NDUFAF4: variants seen among roughly 807,000 people sequenced by gnomAD.
The protein encoded by NDUFAF4 is NADH dehydrogenase [ubiquinone] 1 alpha subcomplex assembly factor 4.
A neutral mutation model predicts 15.6 loss-of-function variants in NDUFAF4; 10 were observed. That is an observed-to-expected ratio of 0.64 (90% CI 0.40 to 1.09). The LOEUF (loss-of-function observed/expected upper bound fraction) is 1.09. Among genes scored for constraint, NDUFAF4 ranks in the 50% least tolerant of loss-of-function variants. The pLI is 0.01. For synonymous variants in NDUFAF4, 77 were observed against 73.3 expected, an observed-to-expected ratio of 1.05 and a Z score of -0.26; for missense variants, 203 against 207.3, an observed-to-expected ratio of 0.98 and a Z score of 0.13.
chr6:96,891,433 T>G (rs369908244), intron 2 of NDUFAF4, 42 bp from the exon 3 acceptor site: 1 of 1,545,708 alleles, frequency 6.5e-7, no homozygotes, highest in Non-Finnish European at 8.9e-7. Flanking sequence ...GAGAAAAGAT[T>G]TGACATCTAC....
Position 96,897,643 on chromosome 6 carries a change from C to G in NDUFAF4, c.136+23G>C, listed in dbSNP as rs1354644887. 6 of 1,612,828 alleles carry G rather than the reference C, an allele frequency of 3.7e-6. No individual in the cohort carries two copies. The South Asian group carries it at 6.6e-5, about 18-fold the overall frequency. ...ACAGGGACTCCGCGCCCCCGGGCCCCGAAACGCCCTCGCACCACTCACGAC... is the reference window on the plus strand; with the variant it reads ...ACAGGGACTCCGCGCCCCCGGGCCCGGAAACGCCCTCGCACCACTCACGAC... On this transcript the variant is annotated intron_variant, in intron 1 of 2. Coordinates refer to ENST00000316149, the MANE Select transcript of NDUFAF4 (RefSeq NM_014165.4).
In NDUFAF4 at chr6:96,891,410, G is replaced by T. The variant is rs770355483; in HGVS notation, c.241-19C>A. 15 of 1,254,476 alleles carry T rather than the reference G, an allele frequency of 1.2e-5. No homozygotes were observed. In the African/African-American group the frequency reaches 2.3e-4, roughly 19 times the overall value. The allele number at this position is 1,254,476 out of a possible 1,614,324, so 77.7% of individuals were successfully genotyped here. A position where few individuals can be genotyped will look rare whatever the true frequency, so the allele number is the denominator to read the frequency against. Reference sequence around the variant, plus strand: ...CTTTTACCTAGTATCAAAAAAAAAAGGTTTTAGGATGAGAGAAAAGATTTG... The same window carrying T: ...CTTTTACCTAGTATCAAAAAAAAAATGTTTTAGGATGAGAGAAAAGATTTG... On this transcript the variant is annotated intron_variant, in intron 2 of 2. Coordinates refer to ENST00000316149, the MANE Select transcript of NDUFAF4 (RefSeq NM_014165.4).
intron 2 of NDUFAF4, among the ~76,000 whole-genome samples, chr6:96,894,049 T>A (rs1258559104): frequency 6.6e-6 from 1 of 152,170 alleles, no homozygotes; most frequent in African/African-American, 2.4e-5. Context: ...TAAAAACCAC[T>A]CACTTTCTGA....
chr6:96,894,534 T>C (rs1775348911), intron 2 of NDUFAF4, among the ~76,000 whole-genome samples: 1 of 152,200 alleles, frequency 6.6e-6, no homozygotes, highest in African/African-American at 2.4e-5. Flanking sequence ...GAAATTGTTG[T>C]AACTGTTCCA....
At chr6:96,891,564 T>C (rs1195828047) in intron 2 of NDUFAF4, among the ~76,000 whole-genome samples, 173 bp from the exon 3 acceptor site, 3 of 152,154 alleles carry the variant, frequency 2.0e-5, no homozygotes, top group Admixed American at 6.5e-5. Flanking sequence ...ACGTAGGGCA[T>C]GGTGGAAAGT....
intron 1 of NDUFAF4, 109 bp downstream of exon 1, chr6:96,897,543 CCCGAGCGGCTGCGG>C (rs752294267): frequency 4.4e-5 from 63 of 1,432,112 alleles, no homozygotes; most frequent in Non-Finnish European, 6.0e-5. Flanking sequence ...GCTCCGCCAA[CCCGAGCGGCTGCGG>C]CCGAGCAGGC....
intron 2 of NDUFAF4, among the ~76,000 whole-genome samples, chr6:96,895,587 AT>A (rs557579764): frequency 1.5e-4 from 23 of 151,514 alleles, no homozygotes; most frequent in Non-Finnish European, 2.8e-4. Context: ...CAAAGCATTA[AT>A]TTTTTTTTGC....
At chr6:96,897,071 C>A (rs937902608) in intron 1 of NDUFAF4, among the ~76,000 whole-genome samples, 1 of 152,008 alleles carries the variant, frequency 6.6e-6, no homozygotes, top group African/African-American at 2.4e-5. Flanking sequence ...AGGCTACAGG[C>A]GCGCCACCAC....
At chr6:96,896,308 TA>T (rs1453568268) in intron 2 of NDUFAF4, among the ~76,000 whole-genome samples, 1 of 152,078 alleles carries the variant, frequency 6.6e-6, no homozygotes, top group Non-Finnish European at 1.5e-5. Context: ...AATACATCCT[TA>T]AAAAAACAAA....
intron 2 of NDUFAF4, among the ~76,000 whole-genome samples, chr6:96,895,800 T>C (rs1444537964): frequency 4.6e-5 from 7 of 152,280 alleles, no homozygotes; most frequent in Middle Eastern, 3.4e-3. Flanking sequence ...TTCTCCTCTG[T>C]AGTGAAAATT....
chr6:96,896,646 T>C, intron 2 of NDUFAF4, 98 bp downstream of exon 2: 2 of 991,890 alleles, frequency 2.0e-6, no homozygotes, highest in South Asian at 1.3e-5. Flanking sequence ...CAACACACAC[T>C]TGCAGAGCAC....
Position 96,891,025 on chromosome 6 carries a change from A to G in NDUFAF4, c.*79T>C, listed in dbSNP as rs1775308013. The G allele has an allele frequency of 7.6e-7, 1 of 1,316,906 alleles. No homozygotes were observed. 81.6% of individuals were successfully genotyped at this position (1,316,906 alleles called of 1,614,324 possible). Reference sequence around the variant, plus strand: ...GAGCATTAAATATTTGGTAATTAACATAATTTATTACGCAAAAAATGAGAA... The same window carrying G: ...GAGCATTAAATATTTGGTAATTAACGTAATTTATTACGCAAAAAATGAGAA... On this transcript the variant is annotated 3_prime_UTR_variant, in exon 3 of 3. Transcript: ENST00000316149.
At chr6:96,895,412 C>T (rs1775359804) in intron 2 of NDUFAF4, among the ~76,000 whole-genome samples, 1 of 151,986 alleles carries the variant, frequency 6.6e-6, no homozygotes, top group Admixed American at 6.6e-5. Flanking sequence ...CCATGAACTG[C>T]CCGAAGGAAA....
At chr6:96,897,564 A>T in intron 1 of NDUFAF4, 102 bp downstream of exon 1, 1 of 1,512,016 alleles carries the variant, frequency 6.6e-7, no homozygotes, top group Non-Finnish European at 9.0e-7. Context: ...GCGGCCGAGC[A>T]GGCTGACGCC....
At chr6:96,897,492 A>T (rs1461910988) in intron 1 of NDUFAF4, among the ~76,000 whole-genome samples, 174 bp downstream of exon 1, 2 of 151,112 alleles carry the variant, frequency 1.3e-5, no homozygotes, top group Non-Finnish European at 3.0e-5. Context: ...GGCGCGGAGG[A>T]CAGTCTCAAT....
intron 2 of NDUFAF4, among the ~76,000 whole-genome samples, chr6:96,895,316 GAATA>G (rs1309422539): frequency 4.6e-5 from 7 of 151,992 alleles, no homozygotes; most frequent in Non-Finnish European, 7.4e-5. Context: ...ACAGAATTTT[GAATA>G]AATATGTTAA....
At position 96,889,522 on chromosome 6, in the gene NDUFAF4, T is replaced by C. The variant is rs986862911; in HGVS notation, c.*1582A>G. 4 of 152,382 alleles carry C rather than the reference T, an allele frequency of 2.6e-5. No homozygotes were observed. Among genetic ancestry groups the C allele is most frequent in the African/African-American group, 9.6e-5 (4 of 41,462 alleles). 9.4% of individuals were successfully genotyped at this position (152,382 alleles called of 1,614,324 possible). A position where few individuals can be genotyped will look rare whatever the true frequency, so the allele number is the denominator to read the frequency against. ...TATATTGAGTAGTTATTTCATGTTT[T>C]CTTAAAACAATTATTGTATTGAACT... On this transcript the variant is annotated 3_prime_UTR_variant, in exon 3 of 3. Transcript: ENST00000316149.
rs1775292905 is a variant in NDUFAF4, at chr6:96,890,025, G to C, written c.*1079C>G. On this transcript the variant is annotated 3_prime_UTR_variant, in exon 3 of 3. Transcript: ENST00000316149. ...AGGGTAGCATTATGCTTATTTTATA[G>C]AAGAAACTCAATCTCCAAGAAGATA... 1 of 151,880 alleles carries C rather than the reference G, an allele frequency of 6.6e-6. No individual in the cohort carries two copies. The highest frequency in any genetic ancestry group is 1.5e-5 in the Non-Finnish European group (1 of 67,988). The allele number at this position is 151,880 out of a possible 1,614,324, so 9.4% of individuals were successfully genotyped here.
In NDUFAF4 at chr6:96,897,873, C is replaced by T; in HGVS notation, c.-72G>A. On this transcript the variant is annotated 5_prime_UTR_variant, in exon 1 of 3. Transcript: ENST00000316149. The stretch of plus-strand genomic sequence containing the variant: ...CCGGCGCAGGACAACTCCGGGACAC[C>T]CGGAGCATGCGCACAAGTGAGGGGA... 2 of 1,606,950 alleles carry T rather than the reference C, an allele frequency of 1.2e-6. No individual in the cohort carries two copies. The highest frequency in any genetic ancestry group is 1.7e-6 in the Non-Finnish European group (2 of 1,175,612).
Sources: allele counts gnomAD v4.1 joint callset (sites outside exome capture counted in the v4.1 genomes callset), GRCh38; gene constraint gnomAD v4.1.1; transcripts MANE v1.5; gene names NCBI Gene and HGNC (gene_info 2026-07-23, HGNC 2026-07-21).